Variants in PBX4 observed in about 807,000 individuals in gnomAD.
PBX4 encodes the protein pre-B-cell leukemia transcription factor 4.
In PBX4, 26 loss-of-function variants were observed where a neutral mutation model predicts 35.1. The observed-to-expected ratio is 0.74, with a 90% CI of 0.54 to 1.03. PBX4 has a LOEUF of 1.03. Ranked by LOEUF, PBX4 falls within the 50% of genes least tolerant of loss-of-function variation. The pLI is 0.00. For missense variants in PBX4, 448 were observed against 504.3 expected, an observed-to-expected ratio of 0.89 and a Z score of 1.07; for synonymous variants, 199 against 204.2, an observed-to-expected ratio of 0.97 and a Z score of 0.22.
chr19:19,569,414 C>T (rs2061365806), intron 5 of PBX4, 35 bp downstream of exon 5: 1 of 1,595,382 alleles, frequency 6.3e-7, no homozygotes, highest in East Asian at 2.2e-5. Flanking sequence ...CCACTCCTCC[C>T]AGGCGTGGCG....
chr19:19,618,445 T>A, intron 1 of PBX4, 66 bp downstream of exon 1: 1 of 1,318,562 alleles, frequency 7.6e-7, no homozygotes, highest in Non-Finnish European at 9.8e-7. Context: ...CCACGCCCCG[T>A]CCCCTCAGCC....
At chr19:19,612,008 C>T (rs1002351315) in intron 1 of PBX4, among the ~76,000 whole-genome samples, 5 of 152,120 alleles carry the variant, frequency 3.3e-5, no homozygotes, top group African/African-American at 1.2e-4. Context: ...GTGGCTCATG[C>T]CTGTAATCCC....
At position 19,561,980 on chromosome 19, in the gene PBX4, T is replaced by TA. The variant is rs755156391; in HGVS notation, c.*44dup. The TA allele has an allele frequency of 9.6e-5, 147 of 1,529,878 alleles. No individual in the cohort carries two copies. Among genetic ancestry groups the TA allele is most frequent in the Middle Eastern group, 1.7e-4 (1 of 5,908 alleles). The allele number at this position is 1,529,878 out of a possible 1,614,324, so 94.8% of individuals were successfully genotyped here. A position where few individuals can be genotyped will look rare whatever the true frequency, so the allele number is the denominator to read the frequency against. Reference sequence around the variant, plus strand: ...TCAGTAACAAAGCAACGGCTGGCGATACATGGCAGCTCACGCAGCGCTCTT... The same window carrying TA: ...TCAGTAACAAAGCAACGGCTGGCGATAACATGGCAGCTCACGCAGCGCTCTT... On this transcript the variant is annotated 3_prime_UTR_variant, in exon 8 of 8. Coordinates refer to ENST00000251203, the MANE Select transcript of PBX4 (RefSeq NM_025245.3).
intron 1 of PBX4, among the ~76,000 whole-genome samples, chr19:19,610,136 A>T (rs2061655057): frequency 6.6e-6 from 1 of 152,224 alleles, no homozygotes; most frequent in South Asian, 2.1e-4. Context: ...ACAATTTGCC[A>T]GGCACGGTGG....
chr19:19,577,181 C>A (rs1423068274), intron 2 of PBX4, among the ~76,000 whole-genome samples: 1 of 139,894 alleles, frequency 7.1e-6, no homozygotes, highest in Middle Eastern at 3.8e-3. Context: ...GGAAACAGAG[C>A]GAGACTCCAT....
intron 2 of PBX4, among the ~76,000 whole-genome samples, chr19:19,573,471 A>G (rs1276094189): frequency 6.6e-6 from 1 of 152,192 alleles, no homozygotes; most frequent in African/African-American, 2.4e-5. Flanking sequence ...AAGAATCCAC[A>G]CACCCTGTTA....
intron 2 of PBX4, among the ~76,000 whole-genome samples, chr19:19,590,166 A>G (rs1213034068): frequency 6.6e-6 from 1 of 152,158 alleles, no homozygotes; most frequent in East Asian, 1.9e-4. Flanking sequence ...GACCACCACC[A>G]CTAGCTAACA....
At chr19:19,609,616 C>T (rs1053277137) in intron 1 of PBX4, among the ~76,000 whole-genome samples, 2 of 150,668 alleles carry the variant, frequency 1.3e-5, no homozygotes, top group South Asian at 2.1e-4. Flanking sequence ...TTTGGCAGGC[C>T]GAGGAGGGCA....
chr19:19,582,543 AC>A (rs973875116), intron 2 of PBX4, among the ~76,000 whole-genome samples: 1 of 150,814 alleles, frequency 6.6e-6, no homozygotes, highest in Non-Finnish European at 1.5e-5. Context: ...TCCCAATCCA[AC>A]CCCCTTTGGG....
At position 19,612,616 on chromosome 19, in the gene PBX4, T is replaced by C. The variant is rs190035176; in HGVS notation, c.119+5895A>G. Among the ~76,000 whole-genome samples the C allele has an allele frequency of 4.1e-3, 623 of 152,186 alleles. 9 individuals carry two copies. The highest frequency in any genetic ancestry group is 0.014 in the African/African-American group (586 of 41,534). On this transcript the variant is annotated intron_variant, in intron 1 of 7. Transcript: ENST00000251203. ...CTCCAGAGGGGTGGAAATAGCCCAT[T>C]TGAGGATGGATGATTTTTGTCTGGA...
rs1357872819 is a variant in PBX4 at position 19,563,436 on chromosome 19, G to A, written c.1032+73C>T. On this transcript the variant is annotated intron_variant, in intron 7 of 7. Coordinates refer to ENST00000251203, the MANE Select transcript of PBX4 (RefSeq NM_025245.3). This position sits in a 1 kb window ranked among gnomAD's most constrained non-coding sequence, Gnocchi z 5.1. The stretch of plus-strand genomic sequence containing the variant: ...GGGGAAGCTGCCCCAAGGCCGAGGG[G>A]TGGCTGACAAGACGACCCTTTCTGA... 27 of 1,256,992 alleles carry A rather than the reference G, an allele frequency of 2.1e-5. No homozygotes were observed. The highest frequency in any genetic ancestry group is 3.0e-5 in the Non-Finnish European group (27 of 911,110). The allele number at this position is 1,256,992 out of a possible 1,614,324, so 77.9% of individuals were successfully genotyped here.
chr19:19,596,057 C>T (rs1344117593), intron 2 of PBX4, among the ~76,000 whole-genome samples: 1 of 151,946 alleles, frequency 6.6e-6, no homozygotes, highest in Non-Finnish European at 1.5e-5. Flanking sequence ...GTGACTTCAC[C>T]ACTGCATTCC....
At chr19:19,592,757 C>T (rs946653047) in intron 2 of PBX4, among the ~76,000 whole-genome samples, 1 of 152,158 alleles carries the variant, frequency 6.6e-6, no homozygotes, top group African/African-American at 2.4e-5. Flanking sequence ...CGGGACAGAC[C>T]CTGAGAACAT....
At chr19:19,573,532 C>A (rs2061400255) in intron 2 of PBX4, among the ~76,000 whole-genome samples, 1 of 152,128 alleles carries the variant, frequency 6.6e-6, no homozygotes. Flanking sequence ...CATGCAGAGA[C>A]TTAACCACAA....
At chr19:19,572,854 C>CA (rs36044843) in intron 2 of PBX4, among the ~76,000 whole-genome samples, 18,035 of 69,844 alleles carry the variant, frequency 0.26, 2,562 homozygotes, top group Non-Finnish European at 0.37. Context: ...GACTCCGTCT[C>CA]AAAAAAAAAA....
intron 6 of PBX4, 161 bp downstream of exon 6, chr19:19,564,772 G>C: frequency 1.1e-6 from 1 of 896,842 alleles, no homozygotes; most frequent in South Asian, 1.7e-5. Context: ...TGGGATCATG[G>C]CCAAGAGGAA....
At chr19:19,610,464 T>G (rs898782580) in intron 1 of PBX4, among the ~76,000 whole-genome samples, 2 of 151,204 alleles carry the variant, frequency 1.3e-5, no homozygotes, top group African/African-American at 4.9e-5. Context: ...AACAACACAA[T>G]TCAAGCTGGG....
chr19:19,594,097 A>G (rs531017411), intron 2 of PBX4, among the ~76,000 whole-genome samples: 3 of 148,552 alleles, frequency 2.0e-5, no homozygotes, highest in Non-Finnish European at 4.5e-5. Context: ...AAAAAAAAAA[A>G]AATAAAAAAT....
intron 1 of PBX4, among the ~76,000 whole-genome samples, chr19:19,614,976 A>T (rs2061680812): frequency 6.6e-6 from 1 of 151,752 alleles, no homozygotes; most frequent in African/African-American, 2.4e-5. Context: ...CCTAGCCAAT[A>T]CGGTGAAACC....
Sources: gnomAD v4.1 joint callset for allele counts (sites outside exome capture counted in the v4.1 genomes callset) on GRCh38, gnomAD v4.1.1 for gene constraint, Gnocchi (gnomAD v3.1) non-coding constraint, MANE v1.5 for transcripts, NCBI Gene and HGNC (gene_info 2026-07-23, HGNC 2026-07-21) for gene names.